CTNND2: variants seen among roughly 807,000 people sequenced by gnomAD.
The protein encoded by CTNND2 is catenin delta-2.
In CTNND2, 22 loss-of-function variants were observed where a neutral mutation model predicts 144.4. The observed-to-expected ratio is 0.15, with a 90% CI of 0.11 to 0.22. The LOEUF (loss-of-function observed/expected upper bound fraction) is 0.22. Among genes scored for constraint, CTNND2 ranks in the 10% least tolerant of loss-of-function variants. The probability of loss-of-function intolerance (pLI) is 1.00; values close to 1 mark genes in which losing one functional copy is unlikely to be tolerated. For synonymous variants in CTNND2, 751 were observed against 695.6 expected, an observed-to-expected ratio of 1.08 and a Z score of -1.25; for missense variants, 1,353 against 1,618.8, an observed-to-expected ratio of 0.84 and a Z score of 2.82.
intron 3 of CTNND2, among the ~76,000 whole-genome samples, chr5:11,563,241 G>A (rs2150104624): frequency 6.6e-6 from 1 of 152,288 alleles, no homozygotes; most frequent in East Asian, 1.9e-4. Flanking sequence ...ATGTCACACA[G>A]AAATATCAGG....
intron 9 of CTNND2, among the ~76,000 whole-genome samples, chr5:11,275,016 A>G (rs957716003): frequency 6.6e-6 from 1 of 152,208 alleles, no homozygotes. Flanking sequence ...ACGGGTATAG[A>G]GTTGGTAGGA....
At chr5:11,067,293 C>T (rs1356588020) in intron 16 of CTNND2, among the ~76,000 whole-genome samples, 3 of 152,222 alleles carry the variant, frequency 2.0e-5, no homozygotes, top group Non-Finnish European at 4.4e-5. Flanking sequence ...AGTGGTAATA[C>T]TCTAGCATTT....
Position 10,992,562 on chromosome 5 carries a change from T to G in CTNND2, c.3200A>C (p.Asn1067Thr). The stretch of plus-strand genomic sequence containing the variant: ...CGGCAGCCTCTTACCTGAGCGGTTG[T>G]TGGGAGACACGCGCACAGGGGAGAT... ...PSISPVRVSP[N>T]NRSASAPASP... Residue 1067 changes from asparagine (N) to threonine (T), a missense_variant, in exon 19 of 22, where the codon AAC becomes ACC. Asn to Thr is a moderately conservative substitution (Grantham distance 65). This residue lies in a region of CTNND2 where 459 missense variants were observed against 674.3 expected (regional missense o/e 0.68). Transcript: ENST00000304623. The G allele has an allele frequency of 6.2e-7, 1 of 1,613,908 alleles. No individual in the cohort carries two copies.
chr5:11,767,364 T>G (rs1789654757), intron 1 of CTNND2, among the ~76,000 whole-genome samples: 1 of 152,180 alleles, frequency 6.6e-6, no homozygotes, highest in African/African-American at 2.4e-5. Flanking sequence ...TGTGTGGGCA[T>G]GTGTCTATGC....
intron 2 of CTNND2, among the ~76,000 whole-genome samples, chr5:11,672,134 G>A (rs1783904138): frequency 6.6e-6 from 1 of 152,200 alleles, no homozygotes; most frequent in Admixed American, 6.5e-5. Context: ...AAAGATTCCT[G>A]CCTGTTCCTC....
chr5:11,726,170 T>G (rs2126728844), intron 2 of CTNND2, among the ~76,000 whole-genome samples: 1 of 152,326 alleles, frequency 6.6e-6, no homozygotes, highest in Non-Finnish European at 1.5e-5. Flanking sequence ...AAGTGTGACA[T>G]GTCACTTCTT....
intron 2 of CTNND2, among the ~76,000 whole-genome samples, chr5:11,716,547 A>G (rs902088392): frequency 6.6e-6 from 1 of 152,138 alleles, no homozygotes; most frequent in Non-Finnish European, 1.5e-5. Flanking sequence ...ATTAAATTTC[A>G]TTTACTTATT....
chr5:11,513,941 C>T (rs1298338245), intron 3 of CTNND2, among the ~76,000 whole-genome samples: 1 of 152,066 alleles, frequency 6.6e-6, no homozygotes, highest in Non-Finnish European at 1.5e-5. Flanking sequence ...AATTCCATTT[C>T]TATATATTTA....
intron 3 of CTNND2, among the ~76,000 whole-genome samples, chr5:11,414,744 C>T (rs2149841738): frequency 6.6e-6 from 1 of 152,288 alleles, no homozygotes; most frequent in East Asian, 1.9e-4. Flanking sequence ...GCTTCTCCAC[C>T]TCCTCCCACC....
chr5:11,526,968 G>A (rs1773308180), intron 3 of CTNND2, among the ~76,000 whole-genome samples: 1 of 152,186 alleles, frequency 6.6e-6, no homozygotes, highest in Non-Finnish European at 1.5e-5. Flanking sequence ...CATGCTAAGT[G>A]AAGTAAGCCA....
rs555900586 is a variant in CTNND2 at position 11,527,302 on chromosome 5, C to T, written c.287+37642G>A. On this transcript the variant is annotated intron_variant, in intron 3 of 21. Transcript: ENST00000304623. ...GAATACAGTTCTCCAAATTGTCAGG[C>T]CTACAAATGGCAGAGTGTGGCTTAG... Among the ~76,000 whole-genome samples the T allele has an allele frequency of 3.9e-5, 6 of 152,266 alleles. No homozygotes were observed. In the East Asian group the frequency reaches 1.2e-3, roughly 29 times the overall value.
chr5:11,424,669 CA>C (rs1002554332), intron 3 of CTNND2, among the ~76,000 whole-genome samples: 3 of 149,216 alleles, frequency 2.0e-5, no homozygotes, highest in African/African-American at 4.9e-5. Context: ...AATAAAAAAG[CA>C]AAAAAAAATT....
At chr5:11,053,526 C>T (rs1338059573) in intron 16 of CTNND2, among the ~76,000 whole-genome samples, 2 of 152,108 alleles carry the variant, frequency 1.3e-5, no homozygotes, top group Non-Finnish European at 2.9e-5. Context: ...CTGGCGTGCA[C>T]CATTTAGACA....
rs1468751647 is a variant in CTNND2, at chr5:11,904,012, G to A, written c.-159C>T. Reference sequence around the variant, plus strand: ...AGGGATGCTGGCGGGCGGCAGGGGCGAGCGCCGCGGGCGAGAGGCGGCTCC... The same window carrying A: ...AGGGATGCTGGCGGGCGGCAGGGGCAAGCGCCGCGGGCGAGAGGCGGCTCC... On this transcript the variant is annotated 5_prime_UTR_variant, in exon 1 of 22. Transcript: ENST00000304623. The surrounding 1 kb of genome is among the most constrained non-coding windows in gnomAD (Gnocchi z 4.2). The A allele has an allele frequency of 2.5e-6, 2 of 797,400 alleles. No homozygotes were observed. The highest frequency in any genetic ancestry group is 7.7e-5 in the East Asian group (2 of 25,868). The allele number at this position is 797,400 out of a possible 1,614,324, so 49.4% of individuals were successfully genotyped here. A position where few individuals can be genotyped will look rare whatever the true frequency, so the allele number is the denominator to read the frequency against.
intron 7 of CTNND2, among the ~76,000 whole-genome samples, chr5:11,372,619 C>T (rs1463399734): frequency 6.6e-6 from 1 of 152,068 alleles, no homozygotes; most frequent in Non-Finnish European, 1.5e-5. Flanking sequence ...ACACCTGCAA[C>T]CAATATCTGT....
intron 18 of CTNND2, among the ~76,000 whole-genome samples, chr5:10,994,352 AG>A (rs1224720039): frequency 4.3e-5 from 1 of 23,482 alleles, no homozygotes; most frequent in South Asian, 3.6e-3. Context: ...GGGAAGGAGG[AG>A]GGGGGCGGGG....
chr5:11,557,063 A>G (rs1359430539), intron 3 of CTNND2, among the ~76,000 whole-genome samples: 2 of 152,224 alleles, frequency 1.3e-5, no homozygotes, highest in Non-Finnish European at 2.9e-5. Flanking sequence ...GGGTATATAT[A>G]TTAAACTTTT....
intron 1 of CTNND2, among the ~76,000 whole-genome samples, chr5:11,832,728 C>T (rs1793972496): frequency 6.6e-6 from 1 of 152,086 alleles, no homozygotes; most frequent in Non-Finnish European, 1.5e-5. Flanking sequence ...ATCACTTGAG[C>T]CCAGGAGTTC....
At chr5:11,658,196 T>C (rs1486403721) in intron 2 of CTNND2, among the ~76,000 whole-genome samples, 1 of 152,094 alleles carries the variant, frequency 6.6e-6, no homozygotes, top group Non-Finnish European at 1.5e-5. Flanking sequence ...TACATCTTTT[T>C]AACCAAGTAA....
Sources: allele counts gnomAD v4.1 joint callset (sites outside exome capture counted in the v4.1 genomes callset), GRCh38; gene constraint gnomAD v4.1.1; regional missense constraint gnomAD v4.1.1; non-coding constraint Gnocchi (gnomAD v3.1); transcripts MANE v1.5; gene names NCBI Gene and HGNC (gene_info 2026-07-23, HGNC 2026-07-21).